Variants in MAP4 observed in about 807,000 individuals in gnomAD.
MAP4 encodes the protein microtubule associated protein 4.
MAP4 carries 76 observed loss-of-function variants against 170.2 expected under a neutral mutation model. The ratio of observed to expected loss-of-function variants is 0.45; its 90% confidence interval spans 0.37 to 0.54. The LOEUF (loss-of-function observed/expected upper bound fraction) is 0.54. Ranked by LOEUF, MAP4 falls within the 20% of genes least tolerant of loss-of-function variation. The probability of loss-of-function intolerance (pLI) is 0.00; values close to 1 mark genes in which losing one functional copy is unlikely to be tolerated. For missense variants in MAP4, 2,506 were observed against 2,748.0 expected (o/e 0.91, Z 1.97); for synonymous variants, 909 against 994.5 (o/e 0.91, Z 1.62).
chr3:47,953,550 A>G (rs2100065865), intron 3 of MAP4, among the ~76,000 whole-genome samples: 1 of 152,152 alleles, frequency 6.6e-6, no homozygotes, highest in Non-Finnish European at 1.5e-5. Flanking sequence ...TTTCTTTAAA[A>G]AAGAGTCCAC....
chr3:47,967,865 A>T (rs187737060), intron 3 of MAP4, among the ~76,000 whole-genome samples: 2 of 152,078 alleles, frequency 1.3e-5, no homozygotes, highest in Non-Finnish European at 2.9e-5. Flanking sequence ...TGGGAAACTG[A>T]GGCGGGAGGA....
chr3:47,863,921 G>GGTGTGTGTGTGTGTGTGTGTGTGT (rs747894391), intron 17 of MAP4, among the ~76,000 whole-genome samples: 20 of 110,794 alleles, frequency 1.8e-4, no homozygotes, highest in African/African-American at 7.7e-4. Flanking sequence ...TGTGGGTGTG[G>GGTGTGTGTGTGTGTGTGTGTGTGT]GTGTGTGTGT....
chr3:47,874,321 T>C lies in MAP4; in HGVS notation c.5757+1364A>G, dbSNP rs2094509205. Among the ~76,000 whole-genome samples, 4 of 151,852 alleles carry C rather than the reference T, an allele frequency of 2.6e-5. No homozygotes were observed. The South Asian group carries it at 8.3e-4, about 32-fold the overall frequency. On this transcript the variant is annotated intron_variant, in intron 12 of 20. Coordinates refer to ENST00000683076, the MANE Select transcript of MAP4 (RefSeq NM_001385682.1). The stretch of plus-strand genomic sequence containing the variant: ...CAGCTCTACTAAAAATACAAAAAAT[T>C]AGCCAGGCGTGGTGGCGGGTGCCTG...
chr3:47,996,657 A>T (rs1413926468), intron 2 of MAP4, among the ~76,000 whole-genome samples: 2 of 152,110 alleles, frequency 1.3e-5, no homozygotes, highest in Non-Finnish European at 2.9e-5. Context: ...CCCAAGAGAC[A>T]TGCCTATTTC....
At chr3:48,054,808 CAAAAA>C (rs1044719447) in intron 1 of MAP4, among the ~76,000 whole-genome samples, 1 of 128,428 alleles carries the variant, frequency 7.8e-6, no homozygotes. Context: ...ACTCTGTCTC[CAAAAA>C]AAAAAAAGAA....
intron 1 of MAP4, among the ~76,000 whole-genome samples, chr3:48,074,404 A>C (rs1291564379): frequency 6.6e-6 from 1 of 151,442 alleles, no homozygotes; most frequent in Non-Finnish European, 1.5e-5. Context: ...ACATGTATAC[A>C]TATGTAACAA....
intron 3 of MAP4, among the ~76,000 whole-genome samples, chr3:47,965,892 T>C (rs1243485926): frequency 6.6e-6 from 1 of 152,124 alleles, no homozygotes; most frequent in Non-Finnish European, 1.5e-5. Flanking sequence ...TAGCCTAATT[T>C]ATCTGTTTTT....
chr3:48,087,445 A>T (rs2100149667), intron 1 of MAP4, among the ~76,000 whole-genome samples: 2 of 152,208 alleles, frequency 1.3e-5, no homozygotes, highest in South Asian at 4.2e-4. Flanking sequence ...TGGGCTGATG[A>T]CTGGGCAGTG....
At chr3:48,009,488 G>A (rs977234515) in intron 1 of MAP4, among the ~76,000 whole-genome samples, 1 of 152,188 alleles carries the variant, frequency 6.6e-6, no homozygotes, top group Admixed American at 6.5e-5. Flanking sequence ...AAAGAAGTGC[G>A]GCAGTAGGCT....
intron 3 of MAP4, among the ~76,000 whole-genome samples, chr3:47,943,199 T>C (rs182989220): frequency 1.3e-5 from 2 of 152,330 alleles, no homozygotes. Context: ...CTTTCTCAGA[T>C]TTTCAGCCGA....
chr3:47,965,118 G>T (rs189414951), intron 3 of MAP4, among the ~76,000 whole-genome samples: 1 of 152,220 alleles, frequency 6.6e-6, no homozygotes, highest in Admixed American at 6.5e-5. Flanking sequence ...ATTTGTTTCT[G>T]TAAATTTGAC....
Position 47,917,016 on chromosome 3 carries a change from C to T in MAP4, c.811G>A (p.Glu271Lys), listed in dbSNP as rs374578699. The change falls in exon 7 of 21, where the codon GAG (glutamate) becomes AAG (lysine). Residue 271 changes from glutamate (E) to lysine (K), a missense_variant. Around this residue, in one of 3 missense-constraint regions of MAP4, gnomAD observed 2,008 missense variants for 2,206.0 expected, o/e 0.91. Transcript: ENST00000683076. ...AKDMALATKT[E>K]VALAKDMESP... ...TCCATATCTTTAGCCAATGCCACCT[C>T]GGTTTTTGTAGCTAGTGCCATGTCC... 2.4e-5 allele frequency: 38 copies of T among 1,614,010 alleles called. No individual in the cohort carries two copies. Among genetic ancestry groups the T allele is most frequent in the African/African-American group, 1.9e-4 (14 of 74,910 alleles).
At chr3:47,856,566 AAAGGCATGC>A (rs1180040728) in intron 18 of MAP4, among the ~76,000 whole-genome samples, 1 of 151,880 alleles carries the variant, frequency 6.6e-6, no homozygotes, top group Non-Finnish European at 1.5e-5. Flanking sequence ...GCAATTCTCC[AAAGGCATGC>A]ACCACCACAC....
chr3:48,079,673 G>C (rs1325648239), intron 1 of MAP4, among the ~76,000 whole-genome samples: 1 of 151,724 alleles, frequency 6.6e-6, no homozygotes, highest in South Asian at 2.1e-4. Flanking sequence ...AAAAAAAGCC[G>C]GGTGCGGTGG....
At position 47,870,973 on chromosome 3, in the gene MAP4, G is replaced by A; in HGVS notation, c.6134C>T (p.Thr2045Ile). Residue 2045 changes from threonine to isoleucine, a missense_variant, in exon 15 of 21, where the codon ACA (threonine) becomes ATA (isoleucine). By Grantham distance (89) the Thr-to-Ile change is moderately conservative. Transcript: ENST00000683076. ...KATPMPSRPS[T>I]TPFIDKKPTS... is the part of the protein sequence containing the mutation. Reference sequence around the variant, plus strand: ...GGGCTTCTTGTCTATGAAAGGAGTTGTGGAGGGCCGGGAGGGCATGGGTGT... The same window carrying A: ...GGGCTTCTTGTCTATGAAAGGAGTTATGGAGGGCCGGGAGGGCATGGGTGT... The A allele has an allele frequency of 6.2e-7, 1 of 1,614,162 alleles. No homozygotes were observed. Among genetic ancestry groups the A allele is most frequent in the Non-Finnish European group, 8.5e-7 (1 of 1,179,986 alleles).
chr3:48,045,984 C>CT (rs59624917), intron 1 of MAP4, among the ~76,000 whole-genome samples: 37,562 of 130,808 alleles, frequency 0.29, 5,456 homozygotes, highest in African/African-American at 0.36. Flanking sequence ...TGCATCACTT[C>CT]TTTTTTTTTT....
intron 17 of MAP4, among the ~76,000 whole-genome samples, chr3:47,865,358 T>C (rs568348536): frequency 4.7e-4 from 72 of 152,294 alleles, no homozygotes; most frequent in African/African-American, 1.7e-3. Flanking sequence ...CCTGGGCCCC[T>C]CGTGGGCTGG....
In MAP4 at chr3:47,857,512, C is replaced by G; in HGVS notation, c.6502G>C (p.Val2168Leu). The G allele has an allele frequency of 1.2e-6, 2 of 1,608,628 alleles. No homozygotes were observed. The highest frequency in any genetic ancestry group is 1.7e-6 in the Non-Finnish European group (2 of 1,175,638). ...TCCACTTTCTTGTTCTGAATCTGAA[C>G]CTGAAGAGAAGGACACAAAAGACTC... Reference protein sequence around the residue: ...NIKHVPGGGNVQIQNKKVDIS... With the variant: ...NIKHVPGGGNLQIQNKKVDIS... Residue 2168 changes from valine (V) to leucine (L), a missense_variant and splice_region_variant, in exon 18 of 21, where the codon GTT (valine) becomes CTT (leucine). This residue lies in a region of MAP4 where 487 missense variants were observed against 511.6 expected (regional missense o/e 0.95). Transcript: ENST00000683076.
intron 1 of MAP4, among the ~76,000 whole-genome samples, chr3:48,081,821 A>G (rs918543111): frequency 5.3e-5 from 8 of 152,140 alleles, no homozygotes; most frequent in South Asian, 2.1e-4. Context: ...TAGAAACCAG[A>G]TAGTGGTTTC....
Sources: allele counts gnomAD v4.1 joint callset (sites outside exome capture counted in the v4.1 genomes callset), GRCh38; gene constraint gnomAD v4.1.1; regional missense constraint gnomAD v4.1.1; transcripts MANE v1.5; gene names NCBI Gene and HGNC (gene_info 2026-07-23, HGNC 2026-07-21).